Variants in SYCP2L observed in about 807,000 individuals in gnomAD.
SYCP2L encodes the protein synaptonemal complex protein 2 like.
A neutral mutation model predicts 125.8 loss-of-function variants in SYCP2L; 98 were observed. The observed-to-expected ratio is 0.78, with a 90% CI of 0.66 to 0.92. The LOEUF (loss-of-function observed/expected upper bound fraction) is 0.92. SYCP2L is among the 40% of genes least tolerant of loss of function. The pLI, the probability that SYCP2L is intolerant of heterozygous loss-of-function variation, is 0.00. For synonymous variants in SYCP2L, 317 were observed against 325.4 expected, an observed-to-expected ratio of 0.97 and a Z score of 0.28; for missense variants, 842 against 936.4, an observed-to-expected ratio of 0.90 and a Z score of 1.32.
intron 23 of SYCP2L, among the ~76,000 whole-genome samples, chr6:10,944,530 TTC>T (rs1781276708): frequency 6.6e-6 from 1 of 152,096 alleles, no homozygotes; most frequent in African/African-American, 2.4e-5. Context: ...TTTTAATAAA[TTC>T]TCTTTCATCT....
chr6:10,950,226 A>G (rs1316904195), intron 23 of SYCP2L, among the ~76,000 whole-genome samples: 1 of 151,598 alleles, frequency 6.6e-6, no homozygotes, highest in Non-Finnish European at 1.5e-5. Flanking sequence ...CAGTCTGTAC[A>G]ATATTGTTTG....
rs1781242462 is a variant in SYCP2L, at chr6:10,942,524, C to T, written c.1879C>T (p.Pro627Ser). 5 of 1,603,216 alleles carry T rather than the reference C, an allele frequency of 3.1e-6. No homozygotes were observed. The South Asian group carries it at 5.6e-5, about 18-fold the overall frequency. The change falls in exon 22 of 30, where the codon CCT becomes TCT. Residue 627 changes from proline to serine, a missense_variant. By Grantham distance (74) the Pro-to-Ser change is moderately conservative. Transcript: ENST00000283141. ...SLKHSEDEEKPKIVNQESLTE... is the reference protein window; with the variant it reads ...SLKHSEDEEKSKIVNQESLTE... ...GAAGCACTCAGAAGATGAAGAAAAA[C>T]CTAAGGTACTATTTAATTGTTGGTT...
chr6:10,934,134 T>C (rs1781050200), intron 20 of SYCP2L, among the ~76,000 whole-genome samples: 1 of 152,204 alleles, frequency 6.6e-6, no homozygotes. Flanking sequence ...TGTCTCTCTC[T>C]TAACTAAATC....
intron 6 of SYCP2L, among the ~76,000 whole-genome samples, chr6:10,901,098 A>G (rs972000019): frequency 3.9e-5 from 6 of 152,176 alleles, no homozygotes; most frequent in African/African-American, 9.7e-5. Flanking sequence ...GTTCTGCTAT[A>G]TGGATTATGA....
chr6:10,940,069 T>A (rs79039696), intron 21 of SYCP2L, among the ~76,000 whole-genome samples: 2,916 of 146,696 alleles, frequency 0.02, 115 homozygotes, highest in African/African-American at 0.067. Flanking sequence ...GAAGCACAAA[T>A]GGCTAATGGG....
intron 1 of SYCP2L, 21 bp downstream of exon 1, chr6:10,887,156 C>G (rs771700526): frequency 4.3e-6 from 7 of 1,614,046 alleles, no homozygotes; most frequent in Non-Finnish European, 5.9e-6. Flanking sequence ...CCCGAAGGGC[C>G]CGGACCTTCT....
chr6:10,951,899 C>T (rs1026671975), intron 23 of SYCP2L, among the ~76,000 whole-genome samples: 2 of 152,136 alleles, frequency 1.3e-5, no homozygotes, highest in African/African-American at 4.8e-5. Flanking sequence ...GCCAAACATA[C>T]GTTCACTGAA....
At position 10,935,140 on chromosome 6, in the gene SYCP2L, A is replaced by G. The variant is rs1203786221; in HGVS notation, c.1766A>G (p.Gln589Arg). The change falls in exon 21 of 30, where the codon CAA becomes CGA. Residue 589 changes from glutamine (Q) to arginine (R), a missense_variant. Physicochemically the swap from Gln to Arg is conservative, Grantham distance 43. Transcript: ENST00000283141. The part of the protein sequence containing the change: ...TSPKTSEQKF[Q>R]DSFAFLTAED... Reference sequence around the variant, plus strand: ...CCAAAGACTTCTGAACAAAAATTCCAAGATAGTTTTGCTTTTTTGACTGCT... The same window carrying G: ...CCAAAGACTTCTGAACAAAAATTCCGAGATAGTTTTGCTTTTTTGACTGCT... The G allele has an allele frequency of 5.0e-6, 8 of 1,613,350 alleles. No homozygotes were observed. The highest frequency in any genetic ancestry group is 6.8e-6 in the Non-Finnish European group (8 of 1,179,702).
At position 10,894,165 on chromosome 6, in the gene SYCP2L, A is replaced by G; in HGVS notation, c.297A>G (p.Glu99=). The part of the protein sequence containing the change: ...IQRFLVDGLK[E]DEPLLIRQGL... ...GATTCCTCGTAGATGGCCTGAAAGA[A>G]GATGAACCTCTGCTAATTCGGCAGG... Residue 99 remains glutamate (E), a synonymous_variant, in exon 4 of 30, where the codon GAA becomes GAG. Coordinates refer to ENST00000283141, the MANE Select transcript of SYCP2L (RefSeq NM_001040274.3). 1.2e-6 allele frequency: 2 copies of G among 1,613,746 alleles called. No homozygotes were observed. The highest frequency in any genetic ancestry group is 1.1e-5 in the South Asian group (1 of 90,904).
At chr6:10,953,307 G>A (rs1364637498) in intron 23 of SYCP2L, among the ~76,000 whole-genome samples, 1 of 151,908 alleles carries the variant, frequency 6.6e-6, no homozygotes, top group Non-Finnish European at 1.5e-5. Context: ...ACTGCTATTT[G>A]TCTTAAAGTG....
intron 1 of SYCP2L, 41 bp downstream of exon 1, chr6:10,887,176 G>A (rs1455343592): frequency 2.5e-6 from 4 of 1,611,640 alleles, no homozygotes; most frequent in Admixed American, 1.7e-5. Context: ...TGTCCACAGT[G>A]CTAGGGCGCG....
chr6:10,959,793 C>T (rs964634529), intron 26 of SYCP2L, among the ~76,000 whole-genome samples: 9 of 149,902 alleles, frequency 6.0e-5, no homozygotes, highest in Admixed American at 1.3e-4. Context: ...CGCTTGAACT[C>T]GGGAGGCGGA....
chr6:10,963,778 C>T lies in SYCP2L; in HGVS notation c.2415-4C>T, dbSNP rs1781630845. On this transcript the variant is annotated splice_region_variant and splice_polypyrimidine_tract_variant and intron_variant, in intron 28 of 29. Transcript: ENST00000283141. ...ATAATAAGAGATGGACCAATTTCTT[C>T]CAGGTTCAATTCAACTCAGACTTCA... 1 of 1,613,678 alleles carries T rather than the reference C, an allele frequency of 6.2e-7. No individual in the cohort carries two copies. The highest frequency in any genetic ancestry group is 1.3e-5 in the African/African-American group (1 of 74,986).
At chr6:10,907,899 T>TTTTTTTTTTTTTTTTTTTTA (rs1780528648) in intron 10 of SYCP2L, among the ~76,000 whole-genome samples, 1 of 129,992 alleles carries the variant, frequency 7.7e-6, no homozygotes, top group Non-Finnish European at 1.6e-5. Flanking sequence ...TAGGTTTTTT[T>TTTTTTTTTTTTTTTTTTTTA]TTTTTTTTTT....
intron 14 of SYCP2L, among the ~76,000 whole-genome samples, chr6:10,915,207 A>G (rs1451747501): frequency 6.6e-6 from 1 of 152,216 alleles, no homozygotes; most frequent in African/African-American, 2.4e-5. Flanking sequence ...TATCAGTTCA[A>G]GGAGCTTTCT....
chr6:10,968,866 G>C (rs1354879221), intron 29 of SYCP2L, among the ~76,000 whole-genome samples: 1 of 152,168 alleles, frequency 6.6e-6, no homozygotes, highest in Non-Finnish European at 1.5e-5. Flanking sequence ...AGTTATCTCT[G>C]AGAGCCCTGT....
chr6:10,934,647 T>G lies in SYCP2L; in HGVS notation c.1684-411T>G, dbSNP rs113507374. Reference sequence around the variant, plus strand: ...GTGAGTTGAGATCACACTACTGCACTCTAGCCTGGGTGACAGAGTGATTCC... The same window carrying G: ...GTGAGTTGAGATCACACTACTGCACGCTAGCCTGGGTGACAGAGTGATTCC... On this transcript the variant is annotated intron_variant, in intron 20 of 29. Coordinates refer to ENST00000283141, the MANE Select transcript of SYCP2L (RefSeq NM_001040274.3). 4.1e-3 allele frequency among the ~76,000 whole-genome samples: 630 copies of G among 152,354 alleles called. 9 individuals are homozygous for G. The highest frequency in any genetic ancestry group is 0.014 in the African/African-American group (598 of 41,590).
rs1781240785 is a variant in SYCP2L at position 10,942,448 on chromosome 6, C to G, written c.1814-11C>G. On this transcript the variant is annotated splice_polypyrimidine_tract_variant and intron_variant, in intron 21 of 29. Transcript: ENST00000283141. ...GCGTGTATTCACTTGAAACTTCTCT[C>G]TAATGCTCAGAGCTTCAAGATCCTC... The G allele has an allele frequency of 6.4e-7, 1 of 1,553,948 alleles. No homozygotes were observed. Among genetic ancestry groups the G allele is most frequent in the African/African-American group, 1.4e-5 (1 of 72,066 alleles).
At chr6:10,904,977 CTT>C in intron 8 of SYCP2L, among the ~76,000 whole-genome samples, 1 of 151,378 alleles carries the variant, frequency 6.6e-6, no homozygotes, top group East Asian at 2.0e-4. Context: ...CCCCGTCTCT[CTT>C]AAAAATACAA....
Sources: gnomAD v4.1 joint callset for allele counts (sites outside exome capture counted in the v4.1 genomes callset) on GRCh38, gnomAD v4.1.1 for gene constraint, MANE v1.5 for transcripts, NCBI Gene and HGNC (gene_info 2026-07-23, HGNC 2026-07-21) for gene names.